The following DRC11 variants were observed in gnomAD, a reference collection of about 807,000 sequenced individuals.
The protein encoded by DRC11 is IQ and AAA domain-containing protein 1.
chr2:236,340,812 C>T, the DRC11 span, among the ~76,000 whole-genome samples: 2 of 152,164 alleles, frequency 1.3e-5, no homozygotes, highest in African/African-American at 2.4e-5. Context: ...GGATGACAAA[C>T]GTTGATTCTG....
the DRC11 span, among the ~76,000 whole-genome samples, chr2:236,346,472 G>A: frequency 6.6e-6 from 1 of 152,240 alleles, no homozygotes; most frequent in Admixed American, 6.5e-5. Context: ...GCAGAAGCAG[G>A]ACTGGAGGCC....
the DRC11 span, among the ~76,000 whole-genome samples, chr2:236,444,954 T>G: frequency 6.6e-6 from 1 of 152,212 alleles, no homozygotes; most frequent in Non-Finnish European, 1.5e-5. Flanking sequence ...TCCACAAGAC[T>G]CATGTCTGAA....
chr2:236,491,123 GTATATATATATATA>G, the DRC11 span, among the ~76,000 whole-genome samples: 1 of 57,348 alleles, frequency 1.7e-5, no homozygotes, highest in African/African-American at 8.7e-5. Flanking sequence ...TATACAGTGT[GTATATATATATATA>G]TACAGTATAT....
the DRC11 span, among the ~76,000 whole-genome samples, chr2:236,349,580 G>A: frequency 6.6e-6 from 1 of 152,186 alleles, no homozygotes; most frequent in African/African-American, 2.4e-5. The surrounding 1 kb of genome is among the most constrained non-coding windows in gnomAD (Gnocchi z 5.5). Context: ...AACATGGATG[G>A]AGCTGGAGGC....
the DRC11 span, among the ~76,000 whole-genome samples, chr2:236,438,917 C>T: frequency 2.0e-5 from 3 of 150,682 alleles, no homozygotes; most frequent in Non-Finnish European, 4.4e-5. Context: ...AAGAATCTCA[C>T]TCAAAACCGC....
chr2:236,488,325 C>T, the DRC11 span: 2 of 542,648 alleles, frequency 3.7e-6, no homozygotes, highest in South Asian at 3.4e-5. Flanking sequence ...GTGAGAACCG[C>T]TGAACACTGT....
chr2:236,374,449 G>A, the DRC11 span, among the ~76,000 whole-genome samples: 27 of 152,252 alleles, frequency 1.8e-4, no homozygotes, highest in Non-Finnish European at 3.4e-4. Flanking sequence ...TTCTTGAATT[G>A]CTATAAAGAA....
the DRC11 span, among the ~76,000 whole-genome samples, chr2:236,491,211 T>G: frequency 2.6e-5 from 1 of 38,762 alleles, no homozygotes; most frequent in African/African-American, 1.3e-4. Context: ...TATATATATA[T>G]ACACACAGTA....
the DRC11 span, among the ~76,000 whole-genome samples, chr2:236,358,034 A>G: frequency 8.4e-6 from 1 of 119,442 alleles, no homozygotes; most frequent in African/African-American, 3.4e-5. Flanking sequence ...ATATGAATAT[A>G]TATTTATAAT....
the DRC11 span, among the ~76,000 whole-genome samples, chr2:236,309,678 G>A: frequency 1.3e-5 from 2 of 152,140 alleles, no homozygotes; most frequent in Admixed American, 6.5e-5. This position sits in a 1 kb window ranked among gnomAD's most constrained non-coding sequence, Gnocchi z 5.7. Context: ...ACACGCATGG[G>A]TCATCCTAGA....
chr2:236,365,792 G>A, the DRC11 span, among the ~76,000 whole-genome samples: 1 of 152,154 alleles, frequency 6.6e-6, no homozygotes, highest in Non-Finnish European at 1.5e-5. The surrounding 1 kb of genome is among the most constrained non-coding windows in gnomAD (Gnocchi z 7.4). Context: ...GGACAAAGGT[G>A]GACAGAGGGC....
chr2:236,358,306 T>C, the DRC11 span, among the ~76,000 whole-genome samples: 3 of 132,036 alleles, frequency 2.3e-5, no homozygotes, highest in Non-Finnish European at 4.6e-5. Context: ...ATATATAATA[T>C]ATAGATATAT....
chr2:236,360,999 A>G, the DRC11 span, among the ~76,000 whole-genome samples: 1 of 152,206 alleles, frequency 6.6e-6, no homozygotes, highest in Non-Finnish European at 1.5e-5. This position sits in a 1 kb window ranked among gnomAD's most constrained non-coding sequence, Gnocchi z 5.8. Context: ...AGAATTATCA[A>G]TCAGATGAAA....
the DRC11 span, among the ~76,000 whole-genome samples, chr2:236,357,038 T>G: frequency 1.9e-5 from 2 of 103,974 alleles, no homozygotes; most frequent in Non-Finnish European, 4.2e-5. Flanking sequence ...TATTTATATA[T>G]TCATATATTA....
At chr2:236,344,421 G>A in the DRC11 span, 1 of 629,354 alleles carries the variant, frequency 1.6e-6, no homozygotes. Context: ...GGCAGACAGA[G>A]ACCACTACAG....
chr2:236,357,058 T>A, the DRC11 span, among the ~76,000 whole-genome samples: 10 of 70,718 alleles, frequency 1.4e-4, 2 homozygotes, highest in Non-Finnish European at 1.6e-4. Flanking sequence ...ATATATCTAT[T>A]TATATATTCA....
chr2:236,375,912 T>C, the DRC11 span, among the ~76,000 whole-genome samples: 1 of 152,182 alleles, frequency 6.6e-6, no homozygotes, highest in Non-Finnish European at 1.5e-5. This position sits in a 1 kb window ranked among gnomAD's most constrained non-coding sequence, Gnocchi z 4.2. Flanking sequence ...AGATACAAAA[T>C]CATCAGTGGG....
At chr2:236,419,547 G>T in the DRC11 span, among the ~76,000 whole-genome samples, 1 of 152,134 alleles carries the variant, frequency 6.6e-6, no homozygotes, top group Non-Finnish European at 1.5e-5. The surrounding 1 kb of genome is among the most constrained non-coding windows in gnomAD (Gnocchi z 4.8). Context: ...ACCCACTCCA[G>T]CTCCTGGAGG....
chr2:236,326,739 G>T, the DRC11 span, among the ~76,000 whole-genome samples: 64 of 151,008 alleles, frequency 4.2e-4, no homozygotes, highest in African/African-American at 1.5e-3. Flanking sequence ...TTGTCAGATT[G>T]TATTTAGCAC....
Sources: allele counts gnomAD v4.1 joint callset (sites outside exome capture counted in the v4.1 genomes callset), GRCh38; gene constraint gnomAD v4.1.1; non-coding constraint Gnocchi (gnomAD v3.1); transcripts MANE v1.5; gene names NCBI Gene and HGNC (gene_info 2026-07-23, HGNC 2026-07-21).